Variants in UGGT2 observed in about 807,000 individuals in gnomAD.
UGGT2 encodes UDP-glucose:glycoprotein glucosyltransferase 2.
A neutral mutation model predicts 192.1 loss-of-function variants in UGGT2; 180 were observed. The observed-to-expected ratio is 0.94, with a 90% CI of 0.83 to 1.06. The LOEUF is 1.06. Among genes scored for constraint, UGGT2 ranks in the 50% least tolerant of loss-of-function variants. The pLI, the probability that UGGT2 is intolerant of heterozygous loss-of-function variation, is 0.00. For synonymous variants in UGGT2, 580 were observed against 591.0 expected (o/e 0.98, Z 0.27); for missense variants, 1,849 against 1,795.7 (o/e 1.03, Z -0.54).
chr13:95,991,411 T>A (rs1442476312), intron 7 of UGGT2: 15 of 445,746 alleles, frequency 3.4e-5, no homozygotes, highest in Non-Finnish European at 6.7e-5. Flanking sequence ...ATGATTGTCA[T>A]TCTAACTGGT....
At position 95,984,313 on chromosome 13, in the gene UGGT2, A is replaced by AT. The variant is rs200875072; in HGVS notation, c.1032-450dup. 1.8e-4 allele frequency among the ~76,000 whole-genome samples: 27 copies of AT among 152,088 alleles called. 1 individual carries two copies. The East Asian group carries it at 4.5e-3, about 25-fold the overall frequency. On this transcript the variant is annotated intron_variant, in intron 9 of 38. Transcript: ENST00000376747. ...TGGCTTTACATCACTCACTCTTTCA[A>AT]TTTTTTCAATTTGTTTATTAAAAAC...
At chr13:95,950,647 T>C (rs1594417984) in intron 12 of UGGT2, among the ~76,000 whole-genome samples, 1 of 149,874 alleles carries the variant, frequency 6.7e-6, no homozygotes, top group East Asian at 1.9e-4. Flanking sequence ...ACAAGGACTT[T>C]AAAATAACTA....
chr13:95,943,871 C>T (rs1488281917), intron 15 of UGGT2, among the ~76,000 whole-genome samples: 2 of 151,910 alleles, frequency 1.3e-5, no homozygotes, highest in East Asian at 1.9e-4. Flanking sequence ...AAAAACAATG[C>T]TTTCTATCAT....
At chr13:95,921,243 G>A (rs1172319385) in intron 20 of UGGT2, among the ~76,000 whole-genome samples, 1 of 151,678 alleles carries the variant, frequency 6.6e-6, no homozygotes, top group Non-Finnish European at 1.5e-5. Context: ...GCTAAGGGAT[G>A]CAGGGCTTAG....
At chr13:95,880,835 ATTAAT>A (rs2047471376) in intron 27 of UGGT2, among the ~76,000 whole-genome samples, 1 of 152,160 alleles carries the variant, frequency 6.6e-6, no homozygotes, top group Non-Finnish European at 1.5e-5. Flanking sequence ...ACTGTGCTTA[ATTAAT>A]TTATGAATTA....
In UGGT2 at chr13:95,909,633, G is replaced by A. The variant is rs1212270808; in HGVS notation, c.2296-6573C>T. On this transcript the variant is annotated intron_variant, in intron 20 of 38. Transcript: ENST00000376747. ...GGGGGGAGGGGGGAGGGATAGCATC[G>A]GGAGATATACCTAATGCTAGATGAC... Among the ~76,000 whole-genome samples the A allele has an allele frequency of 7.5e-3, 1,078 of 144,364 alleles. 18 individuals carry two copies. The highest frequency in any genetic ancestry group is 0.026 in the African/African-American group (1,020 of 39,004). The allele number at this position is 144,364 out of a possible 152,430, so 94.7% of individuals were successfully genotyped here.
chr13:95,984,538 CG>C (rs1344912348), intron 9 of UGGT2, among the ~76,000 whole-genome samples: 4 of 152,032 alleles, frequency 2.6e-5, no homozygotes, highest in African/African-American at 9.6e-5. Context: ...CTATGTTGCC[CG>C]GGTTGGTCTA....
intron 36 of UGGT2, among the ~76,000 whole-genome samples, chr13:95,841,361 G>A (rs145501504): frequency 7.2e-5 from 11 of 152,296 alleles, no homozygotes; most frequent in African/African-American, 1.7e-4. Flanking sequence ...GCAGGGAAGC[G>A]CAGCTACTAG....
At chr13:95,865,151 T>C (rs1268280537) in intron 30 of UGGT2, among the ~76,000 whole-genome samples, 2 of 152,166 alleles carry the variant, frequency 1.3e-5, no homozygotes, top group East Asian at 1.9e-4. Flanking sequence ...TCTTTTGACA[T>C]GAACATTTTT....
At chr13:96,019,483 CT>C (rs1468452398) in intron 4 of UGGT2, among the ~76,000 whole-genome samples, 3 of 152,178 alleles carry the variant, frequency 2.0e-5, no homozygotes, top group Non-Finnish European at 4.4e-5. Context: ...CTCAAAGTCA[CT>C]CACTGAAAAC....
chr13:95,847,364 C>T (rs1479691795), intron 36 of UGGT2, among the ~76,000 whole-genome samples: 2 of 152,154 alleles, frequency 1.3e-5, no homozygotes, highest in Non-Finnish European at 2.9e-5. Context: ...GTTGTACATT[C>T]TACGGGTTTG....
chr13:95,964,522 C>G (rs890008249), intron 12 of UGGT2, among the ~76,000 whole-genome samples: 1 of 152,064 alleles, frequency 6.6e-6, no homozygotes, highest in Non-Finnish European at 1.5e-5. Flanking sequence ...GAAGAGCAAG[C>G]CTGTTCGATG....
At chr13:95,828,053 T>G (rs1312999741) in intron 38 of UGGT2, among the ~76,000 whole-genome samples, 1 of 152,142 alleles carries the variant, frequency 6.6e-6, no homozygotes, top group Middle Eastern at 3.2e-3. Flanking sequence ...AGTCACAAAC[T>G]GCTCAGGGAC....
At chr13:95,978,945 T>C (rs372195415) in intron 10 of UGGT2, among the ~76,000 whole-genome samples, 4 of 152,210 alleles carry the variant, frequency 2.6e-5, no homozygotes, top group Non-Finnish European at 5.9e-5. Flanking sequence ...CATCAACTTT[T>C]ATTTGGGTAA....
At chr13:95,879,542 T>C (rs1009124580) in intron 27 of UGGT2, among the ~76,000 whole-genome samples, 2 of 152,208 alleles carry the variant, frequency 1.3e-5, no homozygotes, top group Non-Finnish European at 2.9e-5. Context: ...CTTAAGCGAT[T>C]CTCCCACCTC....
chr13:95,871,370 G>C (rs1425683993), intron 29 of UGGT2, among the ~76,000 whole-genome samples: 1 of 152,174 alleles, frequency 6.6e-6, no homozygotes, highest in Non-Finnish European at 1.5e-5. Flanking sequence ...GTGAGATGAA[G>C]GCAGAAGAGT....
intron 36 of UGGT2, among the ~76,000 whole-genome samples, chr13:95,849,603 T>G (rs964462261): frequency 5.3e-5 from 8 of 151,672 alleles, no homozygotes; most frequent in Non-Finnish European, 1.2e-4. Flanking sequence ...TAAATAACTT[T>G]CTTTTATTAT....
Position 96,023,775 on chromosome 13 carries a change from A to C in UGGT2, c.242-16T>G. The C allele has an allele frequency of 6.4e-7, 1 of 1,571,766 alleles. No individual in the cohort carries two copies. Among genetic ancestry groups the C allele is most frequent in the South Asian group, 1.2e-5 (1 of 86,796 alleles). On this transcript the variant is annotated splice_polypyrimidine_tract_variant and intron_variant, in intron 2 of 38. Coordinates refer to ENST00000376747, the MANE Select transcript of UGGT2 (RefSeq NM_020121.4). ...TAATCTGATTCTATAAAAAGAAGTC[A>C]AAAGAAAATAAATGTTAGCATTTTA...
intron 1 of UGGT2, among the ~76,000 whole-genome samples, chr13:96,037,262 G>T (rs912539340): frequency 2.0e-5 from 3 of 152,174 alleles, no homozygotes; most frequent in Non-Finnish European, 4.4e-5. Flanking sequence ...GCAGTGGTGC[G>T]ATCTTGACTC....
Sources: gnomAD v4.1 joint callset for allele counts (sites outside exome capture counted in the v4.1 genomes callset) on GRCh38, gnomAD v4.1.1 for gene constraint, MANE v1.5 for transcripts, NCBI Gene and HGNC (gene_info 2026-07-23, HGNC 2026-07-21) for gene names.